ACACA: variants seen among roughly 807,000 people sequenced by gnomAD.
ACACA encodes acetyl-CoA carboxylase 1.
ACACA carries 103 observed loss-of-function variants against 296.1 expected under a neutral mutation model. That is an observed-to-expected ratio of 0.35 (90% CI 0.30 to 0.41). The LOEUF is 0.41. Ranked by LOEUF, ACACA falls within the 10% of genes least tolerant of loss-of-function variation. ACACA has a pLI of 1.00. For missense variants in ACACA, 1,554 were observed against 2,989.7 expected, an observed-to-expected ratio of 0.52 and a Z score of 11.20; for synonymous variants, 953 against 1,038.6, an observed-to-expected ratio of 0.92 and a Z score of 1.58.
chr17:37,398,380 G>A (rs1379058442), intron 1 of ACACA, among the ~76,000 whole-genome samples: 9 of 133,804 alleles, frequency 6.7e-5, no homozygotes, highest in South Asian at 2.5e-4. Flanking sequence ...TCCGCCTCCT[G>A]GGTTCAAGTG....
At chr17:37,355,525 C>T (rs1302720510) in intron 1 of ACACA, among the ~76,000 whole-genome samples, 3 of 151,510 alleles carry the variant, frequency 2.0e-5, no homozygotes, top group African/African-American at 7.3e-5. Context: ...CATTGCACTC[C>T]AGCCTGGGTG....
chr17:37,195,847 A>G (rs535034343), intron 35 of ACACA, among the ~76,000 whole-genome samples: 1 of 152,250 alleles, frequency 6.6e-6, no homozygotes, highest in Admixed American at 6.5e-5. Context: ...TCCATCATCA[A>G]TGTATTTGCT....
At chr17:37,242,132 G>T in intron 22 of ACACA, 79 bp from the exon 23 acceptor site, 1 of 1,073,142 alleles carries the variant, frequency 9.3e-7, no homozygotes, top group Non-Finnish European at 1.4e-6. Context: ...AGCACGACCA[G>T]TAGGAATCTT....
At chr17:37,089,213 A>T (rs1597781882) in intron 54 of ACACA, 139 bp from the exon 55 acceptor site, 1 of 1,294,782 alleles carries the variant, frequency 7.7e-7, no homozygotes, top group Admixed American at 1.7e-5. Context: ...AGCATCGTGC[A>T]GGAGGAGGAA....
chr17:37,283,742 A>C (rs1471287964), intron 4 of ACACA, among the ~76,000 whole-genome samples: 5 of 152,214 alleles, frequency 3.3e-5, no homozygotes, highest in Admixed American at 3.3e-4. Context: ...GTATATTATG[A>C]AATCAGGAAT....
chr17:37,139,226 G>T (rs113254801), intron 45 of ACACA, among the ~76,000 whole-genome samples: 1 of 152,294 alleles, frequency 6.6e-6, no homozygotes, highest in Non-Finnish European at 1.5e-5. Context: ...CTAAGGAACC[G>T]TGTGTACAGA....
intron 3 of ACACA, among the ~76,000 whole-genome samples, chr17:37,296,619 T>A (rs2083346055): frequency 6.6e-6 from 1 of 151,746 alleles, no homozygotes; most frequent in Admixed American, 6.6e-5. Context: ...GCCTATTTTA[T>A]AAGGGCACTA....
intron 44 of ACACA, among the ~76,000 whole-genome samples, chr17:37,150,898 G>T (rs554063748): frequency 2.3e-4 from 35 of 151,326 alleles, no homozygotes; most frequent in Non-Finnish European, 2.2e-4. Context: ...TTAAAAATAT[G>T]AAAATTAGCT....
At position 37,097,038 on chromosome 17, in the gene ACACA, G is replaced by T; in HGVS notation, c.6849C>A (p.Ala2283=). ...CTTCCACAAACCAGCGCCTTAACAT[G>T]GCTTGAATCTGGCCATCAGTCAGCT... The part of the protein sequence containing the change: ...NPELTDGQIQ[A]MLRRWFVEVE... The change falls in exon 54 of 56, where the codon GCC becomes GCA. Residue 2283 remains alanine (A), a synonymous_variant. Coordinates refer to ENST00000616317, the MANE Select transcript of ACACA (RefSeq NM_198834.3). This position sits in a 1 kb window ranked among gnomAD's most constrained non-coding sequence, Gnocchi z 4.8. The T allele has an allele frequency of 1.2e-6, 2 of 1,614,104 alleles. No homozygotes were observed. Among genetic ancestry groups the T allele is most frequent in the Non-Finnish European group, 1.7e-6 (2 of 1,180,032 alleles).
intron 45 of ACACA, among the ~76,000 whole-genome samples, chr17:37,141,846 C>T (rs1243039931): frequency 1.3e-5 from 2 of 151,892 alleles, no homozygotes; most frequent in East Asian, 3.9e-4. Flanking sequence ...TGTGTGCCAC[C>T]ACGCCTGGCT....
At chr17:37,274,419 G>C (rs1454100555) in intron 8 of ACACA, 120 bp from the exon 9 acceptor site, 4 of 1,070,028 alleles carry the variant, frequency 3.7e-6, no homozygotes, top group Middle Eastern at 2.0e-4. Flanking sequence ...ATGGGAGAAA[G>C]AAGGATGCCA....
At chr17:37,269,556 C>A (rs1271925261) in intron 10 of ACACA, among the ~76,000 whole-genome samples, 2 of 152,054 alleles carry the variant, frequency 1.3e-5, no homozygotes, top group Admixed American at 6.5e-5. Flanking sequence ...AAGTGAAAAA[C>A]AATAGCTGTA....
At chr17:37,337,219 C>A (rs1290532233) in intron 2 of ACACA, among the ~76,000 whole-genome samples, 4 of 152,020 alleles carry the variant, frequency 2.6e-5, no homozygotes, top group Non-Finnish European at 4.4e-5. Flanking sequence ...CCTATACCAG[C>A]CTGGGCACTA....
intron 29 of ACACA, among the ~76,000 whole-genome samples, chr17:37,211,648 G>A (rs1214894450): frequency 7.2e-5 from 11 of 152,182 alleles, no homozygotes; most frequent in Non-Finnish European, 1.5e-5. Context: ...TATGTGGAAA[G>A]GAAGATAGAG....
At chr17:37,316,101 C>T (rs2047073462) in intron 3 of ACACA, among the ~76,000 whole-genome samples, 1 of 152,074 alleles carries the variant, frequency 6.6e-6, no homozygotes. Flanking sequence ...AGGATAGAGA[C>T]CAAATGCTTA....
chr17:37,236,133 A>C (rs1242538469), intron 24 of ACACA, among the ~76,000 whole-genome samples: 1 of 152,204 alleles, frequency 6.6e-6, no homozygotes, highest in African/African-American at 2.4e-5. Flanking sequence ...CTGCATTATC[A>C]TGGTTTCCTA....
At position 37,257,881 on chromosome 17, in the gene ACACA, AGAAT is replaced by A. The variant is rs2081289311; in HGVS notation, c.1663-19_1663-16del. On this transcript the variant is annotated splice_polypyrimidine_tract_variant and intron_variant, in intron 13 of 55. Coordinates refer to ENST00000616317, the MANE Select transcript of ACACA (RefSeq NM_198834.3). ...GGCTTAAAACCCTGTTAGAGAATAA[AGAAT>A]GAGAGACCATATTATGTTTCGAAGG... 6.2e-7 allele frequency: 1 copy of A among 1,613,504 alleles called. No individual in the cohort carries two copies. Among genetic ancestry groups the A allele is most frequent in the South Asian group, 1.1e-5 (1 of 91,072 alleles).
intron 19 of ACACA, 48 bp from the exon 20 acceptor site, chr17:37,245,262 A>G (rs1226642331): frequency 6.2e-7 from 1 of 1,602,270 alleles, no homozygotes; most frequent in Non-Finnish European, 8.5e-7. Flanking sequence ...CTTTACACAG[A>G]TGAGTGCTTA....
At chr17:37,352,079 T>C (rs975235129) in intron 1 of ACACA, among the ~76,000 whole-genome samples, 1 of 151,812 alleles carries the variant, frequency 6.6e-6, no homozygotes, top group South Asian at 2.1e-4. Context: ...TACAGGCGCC[T>C]GCCACCACAT....
Sources: allele counts gnomAD v4.1 joint callset (sites outside exome capture counted in the v4.1 genomes callset), GRCh38; gene constraint gnomAD v4.1.1; non-coding constraint Gnocchi (gnomAD v3.1); transcripts MANE v1.5; gene names NCBI Gene and HGNC (gene_info 2026-07-23, HGNC 2026-07-21).